Variants in CYP24A1 observed in about 807,000 individuals in gnomAD.
The protein encoded by CYP24A1 is 1,25-dihydroxyvitamin D(3) 24-hydroxylase, mitochondrial.
CYP24A1 carries 68 observed loss-of-function variants against 62.4 expected under a neutral mutation model. The ratio of observed to expected loss-of-function variants is 1.09; its 90% CI spans 0.90 to 1.33. The LOEUF (loss-of-function observed/expected upper bound fraction) is 1.33, where lower values mean the gene tolerates loss of function less well. Among genes scored for constraint, CYP24A1 ranks in the 40% most tolerant of loss-of-function variants. The pLI is 0.00. For synonymous variants in CYP24A1, 267 were observed against 253.0 expected (o/e 1.06, Z -0.52); for missense variants, 787 against 653.0 (o/e 1.21, Z -2.24).
At chr20:54,151,165 G>A (rs1343947625), downstream of CYP24A1, among the ~76,000 whole-genome samples, 5 of 152,182 alleles carry the variant, frequency 3.3e-5, no homozygotes, top group Non-Finnish European at 5.9e-5. Context: ...CAAGGGGTGG[G>A]CTATTCATGA....
In CYP24A1 at chr20:54,164,350, G is replaced by A. The variant is rs543424504; in HGVS notation, c.844+102C>T. The A allele has an allele frequency of 1.1e-5, 17 of 1,605,806 alleles. No individual in the cohort carries two copies. In the East Asian group the frequency reaches 3.6e-4, roughly 34 times the overall value. Reference sequence around the variant, plus strand: ...ACACCTGTGTTTGCAAAACCTAAATGTGGTGATGAGGCTCAGGAGATCACT... The same window carrying A: ...ACACCTGTGTTTGCAAAACCTAAATATGGTGATGAGGCTCAGGAGATCACT... On this transcript the variant is annotated intron_variant, in intron 6 of 11. Transcript: ENST00000216862.
chr20:54,162,580 A>AAGAGGCCGTGCGCTGAGGCACCG (rs2092656428), intron 7 of CYP24A1, 137 bp downstream of exon 7: 1 of 605,780 alleles, frequency 1.7e-6, no homozygotes, highest in Non-Finnish European at 3.0e-6. Flanking sequence ...GGCATCTAGT[A>AAGAGGCCGTGCGCTGAGGCACCG]TGAGACTTTT....
the CYP24A1 span, among the ~76,000 whole-genome samples, chr20:54,147,090 A>T: frequency 2.0e-5 from 3 of 152,220 alleles, no homozygotes; most frequent in East Asian, 5.8e-4. Flanking sequence ...CAGGGAAATG[A>T]GCAAGAACTA....
At chr20:54,164,417 C>G (rs781368642) in intron 6 of CYP24A1, 35 bp downstream of exon 6, 1 of 1,613,790 alleles carries the variant, frequency 6.2e-7, no homozygotes, top group Non-Finnish European at 8.5e-7. Context: ...GGGTGCTGGG[C>G]TGGTTCTGGC....
chr20:54,172,810 C>G, intron 2 of CYP24A1, 99 bp downstream of exon 2: 1 of 1,592,916 alleles, frequency 6.3e-7, no homozygotes, highest in Non-Finnish European at 8.5e-7. Context: ...AAGAAGCTTC[C>G]AACCCCAGGG....
chr20:54,148,311 AT>A, the CYP24A1 span, among the ~76,000 whole-genome samples: 2 of 150,920 alleles, frequency 1.3e-5, no homozygotes, highest in African/African-American at 4.9e-5. Context: ...AAGCATTTGC[AT>A]TTTACTACTT....
Position 54,154,072 on chromosome 20 carries a change from GACAC to G in CYP24A1, c.*696_*699del, listed in dbSNP as rs147124541. The G allele has an allele frequency of 6.6e-6, 1 of 151,464 alleles. No homozygotes were observed. Among genetic ancestry groups the G allele is most frequent in the African/African-American group, 2.4e-5 (1 of 41,248 alleles). 9.4% of individuals were successfully genotyped at this position (151,464 alleles called of 1,614,324 possible). A position where few individuals can be genotyped will look rare whatever the true frequency, so the allele number is the denominator to read the frequency against. On this transcript the variant is annotated 3_prime_UTR_variant, in exon 12 of 12. Transcript: ENST00000216862. ...ACACATACACGGACACACACACACAGACACACACACACATGCATGTCTGTGCTTC... is the reference window on the plus strand; with the variant it reads ...ACACATACACGGACACACACACACAGACACACACATGCATGTCTGTGCTTC...
rs774490793 is a variant in CYP24A1 at position 54,171,641 on chromosome 20, C to T, written c.479G>A (p.Ser160Asn). ...TTTCATTAGTTTCTTTTGAAAGGCA[C>T]TCCGGACCCGCTGCCAGTCTTCCCC... ...LEGEDWQRVR[S>N]AFQKKLMKPG... Residue 160 changes from serine to asparagine, a missense_variant, in exon 3 of 12, where the codon AGT becomes AAT. Ser to Asn is a conservative substitution (Grantham distance 46). Coordinates refer to ENST00000216862, the MANE Select transcript of CYP24A1 (RefSeq NM_000782.5). The T allele has an allele frequency of 2.5e-6, 4 of 1,613,794 alleles. No individual in the cohort carries two copies. Among genetic ancestry groups the T allele is most frequent in the Admixed American group, 1.7e-5 (1 of 59,984 alleles).
intron 7 of CYP24A1, 147 bp downstream of exon 7, chr20:54,162,570 G>A (rs1390829262): frequency 1.1e-5 from 6 of 552,732 alleles, no homozygotes; most frequent in Non-Finnish European, 1.9e-5. Flanking sequence ...GAGGCACCGT[G>A]GCATCTAGTA....
rs200624428 is a variant in CYP24A1 at position 54,162,856 on chromosome 20, G to T, written c.851C>A (p.Ala284Asp). Reference protein sequence around the residue: ...AWDTIFKSVKACIDNRLEKYS... With the variant: ...AWDTIFKSVKDCIDNRLEKYS... ...CTTCTCTAACCGGTTGTCGATACAA[G>T]CTTTGACTATTAGAGCAGAGAAGAA... The change falls in exon 7 of 12, where the codon GCT (alanine) becomes GAT (aspartate). Residue 284 changes from alanine to aspartate, a missense_variant. Physicochemically the swap from Ala to Asp is moderately radical, Grantham distance 126. Coordinates refer to ENST00000216862, the MANE Select transcript of CYP24A1 (RefSeq NM_000782.5). 8.9e-6 allele frequency: 14 copies of T among 1,568,330 alleles called. No individual in the cohort carries two copies. The highest frequency in any genetic ancestry group is 1.2e-5 in the Non-Finnish European group (14 of 1,138,540).
chr20:54,145,035 C>T, the CYP24A1 span, among the ~76,000 whole-genome samples: 7 of 152,142 alleles, frequency 4.6e-5, no homozygotes, highest in East Asian at 1.9e-4. Flanking sequence ...TGTCTTCAAA[C>T]GAAGTTGTTT....
rs188836925 is a variant in CYP24A1 at position 54,163,842 on chromosome 20, G to A, written c.844+610C>T. Reference sequence around the variant, plus strand: ...ATTATTAGTCCATTTTAGAGACAAGGCAACTGAGGATGAAAAGGTGATTGC... The same window carrying A: ...ATTATTAGTCCATTTTAGAGACAAGACAACTGAGGATGAAAAGGTGATTGC... On this transcript the variant is annotated intron_variant, in intron 6 of 11. Transcript: ENST00000216862. Among the ~76,000 whole-genome samples, 396 of 152,278 alleles carry A rather than the reference G, an allele frequency of 2.6e-3. 1 individual carries two copies. Among genetic ancestry groups the A allele is most frequent in the South Asian group, 5.4e-3 (26 of 4,818 alleles).
At position 54,173,199 on chromosome 20, in the gene CYP24A1, C is replaced by A. The variant is rs1408280442; in HGVS notation, c.259-100G>T. The A allele has an allele frequency of 2.6e-6, 4 of 1,528,646 alleles. No individual in the cohort carries two copies. The East Asian group carries it at 6.8e-5, about 26-fold the overall frequency. The allele number at this position is 1,528,646 out of a possible 1,614,324, so 94.7% of individuals were successfully genotyped here. Reference sequence around the variant, plus strand: ...CTCCTTCCTCCTAGGGGACCGGGGACCCTCCCTGCCCAGACGCCGAAGCGC... The same window carrying A: ...CTCCTTCCTCCTAGGGGACCGGGGAACCTCCCTGCCCAGACGCCGAAGCGC... On this transcript the variant is annotated intron_variant, in intron 1 of 11. Coordinates refer to ENST00000216862, the MANE Select transcript of CYP24A1 (RefSeq NM_000782.5). The surrounding 1 kb of genome is among the most constrained non-coding windows in gnomAD (Gnocchi z 7.2).
chr20:54,164,790 A>G (rs1313126646), intron 5 of CYP24A1, among the ~76,000 whole-genome samples: 6 of 150,110 alleles, frequency 4.0e-5, no homozygotes, highest in African/African-American at 1.5e-4. Flanking sequence ...TTTCCACTGG[A>G]TGTGTTTGAT....
intron 7 of CYP24A1, among the ~76,000 whole-genome samples, chr20:54,161,215 A>G (rs566804251): frequency 2.4e-4 from 36 of 152,280 alleles, no homozygotes; most frequent in African/African-American, 8.7e-4. Flanking sequence ...GGGCCTTTGC[A>G]TGGGCCGTTT....
At chr20:54,162,070 C>A (rs2092652396) in intron 7 of CYP24A1, among the ~76,000 whole-genome samples, 1 of 152,104 alleles carries the variant, frequency 6.6e-6, no homozygotes, top group South Asian at 2.1e-4. Flanking sequence ...CTGCTATCTC[C>A]TAGGGAGTAT....
chr20:54,156,202 T>C (rs927650), intron 11 of CYP24A1, among the ~76,000 whole-genome samples: 91,282 of 151,888 alleles, frequency 0.6, 28,203 homozygotes, highest in African/African-American at 0.74. Flanking sequence ...GAATAACAGA[T>C]CTCCTAAAAT....
intron 5 of CYP24A1, 56 bp from the exon 6 acceptor site, chr20:54,164,619 G>A (rs1568970455): frequency 1.2e-6 from 2 of 1,613,252 alleles, no homozygotes; most frequent in Non-Finnish European, 1.7e-6. Flanking sequence ...CAAAGACAAT[G>A]TTCGTTCTGG....
Position 54,171,758 on chromosome 20 carries a change from T to C in CYP24A1, c.450-88A>G, listed in dbSNP as rs1053001097. 1.7e-5 allele frequency: 27 copies of C among 1,610,580 alleles called. No individual in the cohort carries two copies. In the Middle Eastern group the frequency reaches 5.0e-4, roughly 30 times the overall value. On this transcript the variant is annotated intron_variant, in intron 2 of 11. Transcript: ENST00000216862. ...ACTCCAGCTGCAACTTCAGGAACCA[T>C]AAAATCAAACAAACACTGAGAATCA...
Sources: allele counts gnomAD v4.1 joint callset (sites outside exome capture counted in the v4.1 genomes callset), GRCh38; gene constraint gnomAD v4.1.1; non-coding constraint Gnocchi (gnomAD v3.1); transcripts MANE v1.5; gene names NCBI Gene and HGNC (gene_info 2026-07-23, HGNC 2026-07-21).